EXD3: variants seen among roughly 807,000 people sequenced by gnomAD.
The protein encoded by EXD3 is exonuclease 3'-5' domain containing 3.
A neutral mutation model predicts 98.0 loss-of-function variants in EXD3; 92 were observed. That is an observed-to-expected ratio of 0.94 (90% confidence interval 0.79 to 1.12). EXD3 has a LOEUF of 1.12. Among genes scored for constraint, EXD3 ranks in the 50% most tolerant of loss-of-function variants. EXD3 has a pLI of 0.00. For synonymous variants in EXD3, 569 were observed against 526.0 expected (o/e 1.08, Z -1.12); for missense variants, 1,222 against 1,191.6 (o/e 1.03, Z -0.38).
intron 1 of EXD3, among the ~76,000 whole-genome samples, chr9:137,409,905 G>A (rs999984553): frequency 5.9e-5 from 9 of 152,192 alleles, no homozygotes; most frequent in African/African-American, 1.4e-4. Context: ...GGCTGGGCGC[G>A]GTGGCTCACG....
intron 2 of EXD3, among the ~76,000 whole-genome samples, chr9:137,389,613 C>T (rs1299897936): frequency 6.6e-6 from 1 of 152,120 alleles, no homozygotes; most frequent in East Asian, 1.9e-4. Context: ...CACTCAGAGA[C>T]AGTGAGTACG....
chr9:137,352,184 G>C lies in EXD3; in HGVS notation c.1055C>G (p.Ser352Trp), dbSNP rs199652710. 13 of 1,612,696 alleles carry C rather than the reference G, an allele frequency of 8.1e-6. No homozygotes were observed. In the African/African-American group the frequency reaches 9.3e-5, roughly 12 times the overall value. ...CTTCATGTCCTTCACCTCCAGCCTC[G>C]AGTCAGCCTCAGTCGCCCTGGGAGG... Reference protein sequence around the residue: ...RLQGRATEADSRLEVKDMKDR... With the variant: ...RLQGRATEADWRLEVKDMKDR... The change falls in exon 12 of 22, where the codon TCG (serine) becomes TGG (tryptophan). Residue 352 changes from serine (S) to tryptophan (W), a missense_variant. Physicochemically the swap from Ser to Trp is radical, Grantham distance 177. Transcript: ENST00000340951.
At position 137,349,679 on chromosome 9, in the gene EXD3, C is replaced by A. The variant is rs937790423; in HGVS notation, c.1495-148G>T. 1.1e-6 allele frequency: 1 copy of A among 876,838 alleles called. No homozygotes were observed. Among genetic ancestry groups the A allele is most frequent in the Middle Eastern group, 3.7e-4 (1 of 2,708 alleles). The allele number at this position is 876,838 out of a possible 1,614,324, so 54.3% of individuals were successfully genotyped here. A position where few individuals can be genotyped will look rare whatever the true frequency, so the allele number is the denominator to read the frequency against. On this transcript the variant is annotated intron_variant, in intron 14 of 21. Coordinates refer to ENST00000340951, the MANE Select transcript of EXD3 (RefSeq NM_017820.5). This position sits in a 1 kb window ranked among gnomAD's most constrained non-coding sequence, Gnocchi z 7.4. ...CCACAGCAGAGACGGGGAGAAGGAG[C>A]GGACACATCCGAGGAGAGGCTCCAC...
rs138714580 is a variant in EXD3, at chr9:137,401,805, C to A, written c.-47-6401G>T. Reference sequence around the variant, plus strand: ...CACTTTTTCCTCCCGGGCCTCCAGGCCTATGATGGGAGGGGCTGCCATGAA... The same window carrying A: ...CACTTTTTCCTCCCGGGCCTCCAGGACTATGATGGGAGGGGCTGCCATGAA... On this transcript the variant is annotated intron_variant, in intron 1 of 21. Transcript: ENST00000340951. Among the ~76,000 whole-genome samples, 284 of 152,282 alleles carry A rather than the reference C, an allele frequency of 1.9e-3. 2 individuals carry two copies. Among genetic ancestry groups the A allele is most frequent in the African/African-American group, 6.7e-3 (280 of 41,572 alleles).
chr9:137,354,228 C>A, intron 10 of EXD3, 111 bp downstream of exon 10: 1 of 1,509,706 alleles, frequency 6.6e-7, no homozygotes, highest in East Asian at 2.4e-5. Flanking sequence ...GCTCAGCAGC[C>A]CCAGCGAAGG....
At chr9:137,355,484 AAGGAGGATGGAGGAAGGAGGAAGGAGG>A (rs1834615966) in intron 8 of EXD3, among the ~76,000 whole-genome samples, 7 of 127,162 alleles carry the variant, frequency 5.5e-5, no homozygotes, top group African/African-American at 1.7e-4. Flanking sequence ...AGGAAGGAGG[AAGGAGGATGGAGGAAGGAGGAAGGAGG>A]AAGGAGGAAG....
At chr9:137,367,799 C>G in intron 6 of EXD3, 137 bp downstream of exon 6, 1 of 782,714 alleles carries the variant, frequency 1.3e-6, no homozygotes, top group Non-Finnish European at 2.1e-6. Flanking sequence ...GCTCTGGAGG[C>G]CCTCGCCGGC....
rs1837779826 is a variant in EXD3, at chr9:137,407,467, G to T, written c.-47-12063C>A. 6.6e-6 allele frequency among the ~76,000 whole-genome samples: 1 copy of T among 152,204 alleles called. No individual in the cohort carries two copies. The highest frequency in any genetic ancestry group is 2.1e-4 in the South Asian group (1 of 4,836). ...CTGGGGGCCTCTGTGCCGTGCAAAGGGCAGGTCTGGCCGCTCTCGGGCTCT... is the reference window on the plus strand; with the variant it reads ...CTGGGGGCCTCTGTGCCGTGCAAAGTGCAGGTCTGGCCGCTCTCGGGCTCT... On this transcript the variant is annotated intron_variant, in intron 1 of 21. Transcript: ENST00000340951. This position sits in a 1 kb window ranked among gnomAD's most constrained non-coding sequence, Gnocchi z 4.4.
rs374515937 is a variant in EXD3, at chr9:137,309,641, C to T, written c.2244G>A (p.Trp748Ter). 2.4e-5 allele frequency: 37 copies of T among 1,563,226 alleles called. No individual in the cohort carries two copies. The highest frequency in any genetic ancestry group is 3.8e-5 in the Admixed American group (2 of 52,740). Reference protein sequence around the residue: ...VSRDMMKQLMWLSSHQEGPRS... With the variant: ...VSRDMMKQLM Reference sequence around the variant, plus strand: ...TGGGCCCCTCCTGGTGACTGCTGAGCCACATGAGCTGCTTCATCATGTCCC... The same window carrying T: ...TGGGCCCCTCCTGGTGACTGCTGAGTCACATGAGCTGCTTCATCATGTCCC... The change falls in exon 20 of 22, where the codon TGG (tryptophan) becomes TGA (stop). Residue 748 changes from tryptophan (W) to a stop codon, truncating the protein, a stop_gained. Coordinates refer to ENST00000340951, the MANE Select transcript of EXD3 (RefSeq NM_017820.5). LOFTEE classifies it high-confidence loss of function.
chr9:137,373,019 CTCAGTG>C lies in EXD3; in HGVS notation c.342_347del (p.Thr115_Glu116del). On this transcript the variant is annotated inframe_deletion, in exon 5 of 22. Transcript: ENST00000340951. The stretch of plus-strand genomic sequence containing the variant: ...GTGGTGCCGCAAGGCTGGGGGGGCT[CTCAGTG>C]AGGACTTTGACCGCTCGGGCCTGCA... The C allele has an allele frequency of 6.2e-7, 1 of 1,604,878 alleles. No individual in the cohort carries two copies. Among genetic ancestry groups the C allele is most frequent in the Non-Finnish European group, 8.5e-7 (1 of 1,178,790 alleles).
At chr9:137,408,009 C>T (rs1837814636) in intron 1 of EXD3, among the ~76,000 whole-genome samples, 1 of 152,146 alleles carries the variant, frequency 6.6e-6, no homozygotes, top group Non-Finnish European at 1.5e-5. Flanking sequence ...CTGGGGATCT[C>T]CCACCCTCAT....
chr9:137,322,413 CACGAGGG>C (rs1832085545), intron 19 of EXD3, among the ~76,000 whole-genome samples: 1 of 146,748 alleles, frequency 6.8e-6, no homozygotes, highest in African/African-American at 2.5e-5. Flanking sequence ...ACCCCAGACC[CACGAGGG>C]ATGCTCTGCC....
intron 7 of EXD3, among the ~76,000 whole-genome samples, chr9:137,361,931 A>G (rs1003259847): frequency 4.1e-4 from 63 of 152,142 alleles, no homozygotes; most frequent in African/African-American, 1.5e-3. Flanking sequence ...TAATAAACAT[A>G]TAACAGGAGA....
intron 16 of EXD3, among the ~76,000 whole-genome samples, chr9:137,348,771 AGG>A (rs1182684374): frequency 1.2e-4 from 3 of 24,926 alleles, no homozygotes; most frequent in Non-Finnish European, 2.2e-4. Flanking sequence ...TAGAGAGGGG[AGG>A]GGGAGGGGGC....
intron 1 of EXD3, among the ~76,000 whole-genome samples, chr9:137,398,063 G>A (rs1266193168): frequency 2.0e-5 from 3 of 152,256 alleles, no homozygotes; most frequent in Non-Finnish European, 4.4e-5. Flanking sequence ...GCAATAAAAA[G>A]TGTCATCACT....
intron 3 of EXD3, chr9:137,381,163 C>A (rs1405606276): frequency 6.7e-6 from 1 of 149,694 alleles, no homozygotes; most frequent in Non-Finnish European, 1.5e-5. Flanking sequence ...GTAATCCCAG[C>A]ACTTTGGGAG....
chr9:137,317,679 C>G (rs1051900346), intron 19 of EXD3, among the ~76,000 whole-genome samples: 1 of 152,016 alleles, frequency 6.6e-6, no homozygotes, highest in Non-Finnish European at 1.5e-5. Context: ...CTGGGGGAAC[C>G]ACCTGGACCC....
At chr9:137,348,632 GT>G (rs1834073978) in intron 16 of EXD3, among the ~76,000 whole-genome samples, 2 of 112,562 alleles carry the variant, frequency 1.8e-5, no homozygotes, top group Admixed American at 8.2e-5. Flanking sequence ...ACAGAGAGGG[GT>G]GGGGATCATG....
At chr9:137,422,554 T>G (rs930540210) in intron 1 of EXD3, among the ~76,000 whole-genome samples, 1 of 152,230 alleles carries the variant, frequency 6.6e-6, no homozygotes, top group African/African-American at 2.4e-5. Context: ...CTCTGTTTTG[T>G]TCTCCGTTGC....
Sources: gnomAD v4.1 joint callset for allele counts (sites outside exome capture counted in the v4.1 genomes callset) on GRCh38, gnomAD v4.1.1 for gene constraint, Gnocchi (gnomAD v3.1) non-coding constraint, MANE v1.5 for transcripts, NCBI Gene and HGNC (gene_info 2026-07-23, HGNC 2026-07-21) for gene names.